Variants in EHBP1 observed in about 807,000 individuals in gnomAD.
EHBP1 encodes the protein EH domain-binding protein 1.
EHBP1 carries 55 observed loss-of-function variants against 144.0 expected under a neutral mutation model. The ratio of observed to expected loss-of-function variants is 0.38; its 90% CI spans 0.31 to 0.48. The LOEUF is 0.48. Among genes scored for constraint, EHBP1 ranks in the 20% least tolerant of loss-of-function variants. EHBP1 has a pLI of 0.98. For synonymous variants in EHBP1, 469 were observed against 472.7 expected (o/e 0.99, Z 0.10); for missense variants, 1,200 against 1,364.2 (o/e 0.88, Z 1.90).
chr2:62,858,135 G>T (rs918206250), intron 7 of EHBP1, among the ~76,000 whole-genome samples: 1 of 151,658 alleles, frequency 6.6e-6, no homozygotes, highest in African/African-American at 2.4e-5. Context: ...CAACTTCTCG[G>T]GTTATTATCT....
intron 3 of EHBP1, among the ~76,000 whole-genome samples, chr2:62,763,594 T>G (rs922584581): frequency 1.3e-5 from 2 of 152,206 alleles, no homozygotes; most frequent in African/African-American, 4.8e-5. Flanking sequence ...TGAGATGTCT[T>G]GGCATGCCAT....
chr2:62,878,847 G>A (rs969555333), intron 10 of EHBP1, among the ~76,000 whole-genome samples: 7 of 151,714 alleles, frequency 4.6e-5, no homozygotes, highest in Admixed American at 1.3e-4. Flanking sequence ...AAATTTCACC[G>A]TCTCTACTAA....
intron 3 of EHBP1, among the ~76,000 whole-genome samples, chr2:62,760,497 A>C (rs1368013883): frequency 6.6e-6 from 1 of 152,142 alleles, no homozygotes; most frequent in Non-Finnish European, 1.5e-5. Flanking sequence ...AGCAGATTGT[A>C]TTTTTGTTTG....
chr2:62,939,844 T>G (rs1456432558), intron 10 of EHBP1: 1 of 169,696 alleles, frequency 5.9e-6, no homozygotes, highest in East Asian at 1.8e-4. Context: ...AAGATATGGT[T>G]TCAGGCATGA....
At chr2:62,835,841 A>G (rs1443616589) in intron 7 of EHBP1, among the ~76,000 whole-genome samples, 1 of 152,080 alleles carries the variant, frequency 6.6e-6, no homozygotes, top group African/African-American at 2.4e-5. Flanking sequence ...GGAGGGTCCT[A>G]CGCCCACGGA....
intron 10 of EHBP1, among the ~76,000 whole-genome samples, chr2:62,876,693 A>G (rs1447555071): frequency 6.6e-6 from 1 of 152,190 alleles, no homozygotes; most frequent in Non-Finnish European, 1.5e-5. Context: ...TCATGGCAGA[A>G]GGCAAAGGGA....
upstream of EHBP1, among the ~76,000 whole-genome samples, chr2:62,701,354 A>G (rs1469974071): frequency 6.6e-6 from 1 of 152,146 alleles, no homozygotes; most frequent in Non-Finnish European, 1.5e-5. Flanking sequence ...TTGCATACTA[A>G]GTCTGAAATC....
At chr2:62,734,615 T>A (rs79866278) in intron 2 of EHBP1, among the ~76,000 whole-genome samples, 2,363 of 152,296 alleles carry the variant, frequency 0.016, 61 homozygotes, top group African/African-American at 0.053. Flanking sequence ...GACAATCTTT[T>A]AATTGGTGCA....
At chr2:62,890,373 A>G (rs1410962164) in intron 10 of EHBP1, among the ~76,000 whole-genome samples, 1 of 152,214 alleles carries the variant, frequency 6.6e-6, no homozygotes, top group Non-Finnish European at 1.5e-5. Context: ...ACCCATGAGC[A>G]TGGAATGTTT....
At position 62,895,906 on chromosome 2, in the gene EHBP1, A is replaced by G. The variant is rs146432497; in HGVS notation, c.1185+21374A>G. Among the ~76,000 whole-genome samples the G allele has an allele frequency of 2.0e-3, 301 of 152,320 alleles. 1 individual carries two copies. The highest frequency in any genetic ancestry group is 6.9e-3 in the African/African-American group (285 of 41,582). ...TTGGATTGCTCATTCCACTTACTCA[A>G]ATTCAAAAAATATTGAGTACTGAAC... On this transcript the variant is annotated intron_variant, in intron 10 of 22. Transcript: ENST00000431489.
chr2:62,709,189 T>A (rs1239443352), intron 2 of EHBP1, among the ~76,000 whole-genome samples: 3 of 152,020 alleles, frequency 2.0e-5, no homozygotes, highest in Non-Finnish European at 4.4e-5. Flanking sequence ...GCAAAGGGAA[T>A]GGAGAGAATT....
chr2:62,993,734 T>C (rs564965225), intron 17 of EHBP1, 66 bp downstream of exon 17: 39 of 718,004 alleles, frequency 5.4e-5, no homozygotes, highest in East Asian at 4.2e-4. Flanking sequence ...CTATATATAG[T>C]ATATATATAT....
chr2:62,864,512 T>A (rs1401304012), intron 8 of EHBP1, among the ~76,000 whole-genome samples: 1 of 152,196 alleles, frequency 6.6e-6, no homozygotes, highest in East Asian at 1.9e-4. Context: ...GGGAGTACCA[T>A]TCCTGGAGAA....
rs867095315 is a variant in EHBP1, at chr2:62,951,537, G to A, written c.2316+2375G>A. ...AAATTTTTCTTTTTTTTTTTTTTGG[G>A]GGGGGGGGGTGGAGTCTTGCCCTGT... On this transcript the variant is annotated intron_variant, in intron 13 of 22. Transcript: ENST00000431489. 3.3e-4 allele frequency among the ~76,000 whole-genome samples: 46 copies of A among 140,944 alleles called. 1 individual carries two copies. The highest frequency in any genetic ancestry group is 1.1e-3 in the African/African-American group (42 of 38,168). The allele number at this position is 140,944 out of a possible 152,430, so 92.5% of individuals were successfully genotyped here. A position where few individuals can be genotyped will look rare whatever the true frequency, so the allele number is the denominator to read the frequency against.
chr2:62,743,303 A>G (rs1368139216), intron 2 of EHBP1, among the ~76,000 whole-genome samples: 2 of 152,080 alleles, frequency 1.3e-5, no homozygotes, highest in African/African-American at 4.8e-5. Context: ...TAAATTTAGT[A>G]ATCTCTGTGG....
At chr2:62,914,042 A>G (rs1292396349) in intron 10 of EHBP1, among the ~76,000 whole-genome samples, 1 of 152,166 alleles carries the variant, frequency 6.6e-6, no homozygotes, top group East Asian at 1.9e-4. Context: ...GACAATTCCT[A>G]GAAAGAGAGT....
intron 3 of EHBP1, among the ~76,000 whole-genome samples, chr2:62,757,560 A>C (rs1459875543): frequency 1.1e-4 from 16 of 149,850 alleles, no homozygotes; most frequent in Admixed American, 1.1e-3. Context: ...TAGTCTCCCG[A>C]GTAGCTGGGA....
intron 3 of EHBP1, among the ~76,000 whole-genome samples, chr2:62,757,252 C>G (rs1038444500): frequency 6.6e-6 from 1 of 151,886 alleles, no homozygotes; most frequent in African/African-American, 2.4e-5. Context: ...CCTCAGCCTC[C>G]CAGGCAGCTG....
intron 10 of EHBP1, among the ~76,000 whole-genome samples, chr2:62,880,486 T>C (rs1389205753): frequency 1.3e-5 from 2 of 152,002 alleles, no homozygotes; most frequent in Admixed American, 6.6e-5. Flanking sequence ...GGAGAAAATA[T>C]TTTCCAACTA....
Sources: gnomAD v4.1 joint callset for allele counts (sites outside exome capture counted in the v4.1 genomes callset) on GRCh38, gnomAD v4.1.1 for gene constraint, MANE v1.5 for transcripts, NCBI Gene and HGNC (gene_info 2026-07-23, HGNC 2026-07-21) for gene names.